Variants in OSBP observed in about 807,000 individuals in gnomAD.
OSBP encodes oxysterol binding protein.
Under a neutral mutation model 96.6 loss-of-function variants are expected in OSBP, and 32 were observed. The ratio of observed to expected loss-of-function variants is 0.33; its 90% confidence interval spans 0.25 to 0.45. OSBP has a LOEUF of 0.45. Ranked by LOEUF, OSBP falls within the 20% of genes least tolerant of loss-of-function variation. The probability of loss-of-function intolerance (pLI) is 1.00; values close to 1 mark genes in which losing one functional copy is unlikely to be tolerated. For missense variants in OSBP, 653 were observed against 1,029.7 expected (o/e 0.63, Z 5.01); for synonymous variants, 369 against 389.6 (o/e 0.95, Z 0.62).
At chr11:59,588,671 T>C (rs1036138358) in intron 9 of OSBP, among the ~76,000 whole-genome samples, 2 of 151,946 alleles carry the variant, frequency 1.3e-5, no homozygotes, top group Non-Finnish European at 2.9e-5. Flanking sequence ...CACTTAAGAA[T>C]GGGTAAGGTG....
chr11:59,578,117 G>A (rs759865856), intron 12 of OSBP, 32 bp downstream of exon 12: 8 of 1,602,320 alleles, frequency 5.0e-6, no homozygotes, highest in Middle Eastern at 1.7e-4. Flanking sequence ...AGGTCAAAGT[G>A]GTATCTGGGC....
chr11:59,606,653 A>G (rs1860784356), intron 3 of OSBP, among the ~76,000 whole-genome samples: 1 of 152,284 alleles, frequency 6.6e-6, no homozygotes, highest in South Asian at 2.1e-4. Context: ...TATGTAACAA[A>G]CCTGCACACG....
At chr11:59,615,051 T>A (rs2134713372) in intron 1 of OSBP, among the ~76,000 whole-genome samples, 1 of 152,212 alleles carries the variant, frequency 6.6e-6, no homozygotes, top group South Asian at 2.1e-4. Flanking sequence ...GACTAATGAC[T>A]GGAAAGGCCG....
intron 9 of OSBP, among the ~76,000 whole-genome samples, chr11:59,585,940 T>A (rs191712044): frequency 2.6e-5 from 4 of 152,052 alleles, no homozygotes; most frequent in Non-Finnish European, 4.4e-5. Context: ...GTGCAAGATG[T>A]GCTTTGTTAA....
In OSBP at chr11:59,603,311, C is replaced by T. The variant is rs138148891; in HGVS notation, c.823-1473G>A. 4.1e-4 allele frequency among the ~76,000 whole-genome samples: 62 copies of T among 152,230 alleles called. No individual in the cohort carries two copies. In the East Asian group the frequency reaches 0.011, roughly 27 times the overall value. On this transcript the variant is annotated intron_variant, in intron 3 of 13. Transcript: ENST00000263847. Reference sequence around the variant, plus strand: ...ATAAATAAAGGAAGGAGGCAAGCAACGTAAGCTTAAAAATCTATTCCCTGT... The same window carrying T: ...ATAAATAAAGGAAGGAGGCAAGCAATGTAAGCTTAAAAATCTATTCCCTGT...
At chr11:59,587,555 T>A (rs530959288) in intron 9 of OSBP, among the ~76,000 whole-genome samples, 8 of 150,262 alleles carry the variant, frequency 5.3e-5, no homozygotes, top group Non-Finnish European at 1.2e-4. Flanking sequence ...CCTCCAAAGA[T>A]ATACAAATGA....
chr11:59,587,398 A>G (rs765192321), intron 9 of OSBP, among the ~76,000 whole-genome samples: 2 of 151,978 alleles, frequency 1.3e-5, no homozygotes, highest in Non-Finnish European at 2.9e-5. Context: ...GCTATTCTGG[A>G]GGCTTAGGCA....
rs550225261 is a variant in OSBP, at chr11:59,608,676, G to A, written c.630C>T (p.Thr210=). 8.7e-6 allele frequency: 14 copies of A among 1,613,818 alleles called. No individual in the cohort carries two copies. The South Asian group carries it at 1.2e-4, about 14-fold the overall frequency. The change falls in exon 3 of 14, where the codon ACC becomes ACT. Residue 210 remains threonine (T), a synonymous_variant. Coordinates refer to ENST00000263847, the MANE Select transcript of OSBP (RefSeq NM_002556.3). ...CTACTTTGCTAGAGAGGGTCCGAAG[G>A]GTATTCTGCAGCTCAGTCTTGTCAG... is the stretch of plus-strand genomic sequence containing the variant. ...SQTDKTELQN[T]LRTLSSKVED... is the part of the protein sequence containing the mutation.
At chr11:59,588,961 C>T (rs968468783) in intron 9 of OSBP, among the ~76,000 whole-genome samples, 2 of 151,396 alleles carry the variant, frequency 1.3e-5, no homozygotes, top group African/African-American at 4.9e-5. Context: ...ACCAAGATCA[C>T]ACCACTGCAC....
intron 9 of OSBP, among the ~76,000 whole-genome samples, chr11:59,585,215 A>C (rs1387641115): frequency 2.0e-4 from 28 of 140,766 alleles, no homozygotes; most frequent in Non-Finnish European, 3.7e-4. Context: ...GGCCGCCATC[A>C]CATCTAGGAA....
rs184050146 is a variant in OSBP at position 59,581,660 on chromosome 11, T to G, written c.1679-106A>C. ...ATTTCCTTCTATTGATATTTATTACTTTTAGAAATAAAACAATAAATCAAA... is the reference window on the plus strand; with the variant it reads ...ATTTCCTTCTATTGATATTTATTACGTTTAGAAATAAAACAATAAATCAAA... On this transcript the variant is annotated intron_variant, in intron 9 of 13. Coordinates refer to ENST00000263847, the MANE Select transcript of OSBP (RefSeq NM_002556.3). 7.3e-4 allele frequency: 398 copies of G among 546,388 alleles called. 3 individuals carry two copies. The East Asian group carries it at 0.011, about 15-fold the overall frequency. 33.8% of individuals were successfully genotyped at this position (546,388 alleles called of 1,614,324 possible).
At position 59,576,626 on chromosome 11, in the gene OSBP, C is replaced by T; in HGVS notation, c.2375G>A (p.Trp792Ter). ...ELTHIYRGEY[W>*]ECKEKQDWSS... ...CCAGTCCTGTTTTTCTTTACACTCC[C>T]AGTATTCTCCCCTATAAATATGGGT... is the stretch of plus-strand genomic sequence containing the variant. Residue 792 changes from tryptophan (W) to a stop codon, truncating the protein, a stop_gained, in exon 14 of 14, where the codon TGG becomes TAG. Coordinates refer to ENST00000263847, the MANE Select transcript of OSBP (RefSeq NM_002556.3). LOFTEE classifies it high-confidence loss of function. 1 of 1,614,094 alleles carries T rather than the reference C, an allele frequency of 6.2e-7. No homozygotes were observed. Among genetic ancestry groups the T allele is most frequent in the Non-Finnish European group, 8.5e-7 (1 of 1,180,010 alleles).
rs201962555 is a variant in OSBP at position 59,615,400 on chromosome 11, A to C, written c.265T>G (p.Ser89Ala). The change falls in exon 1 of 14, where the codon TCG (serine) becomes GCG (alanine). Residue 89 changes from serine to alanine, a missense_variant. Transcript: ENST00000263847. ...SGGSGAGGSG[S>A]AREGWLFKWT... ...TTGAAGAGCCAGCCCTCTCGAGCCGAGCCCGAACCCCCAGCGCCCGAGCCG... is the reference window on the plus strand; with the variant it reads ...TTGAAGAGCCAGCCCTCTCGAGCCGCGCCCGAACCCCCAGCGCCCGAGCCG... 6.4e-6 allele frequency: 10 copies of C among 1,566,612 alleles called. No individual in the cohort carries two copies. The East Asian group carries it at 2.4e-4, about 38-fold the overall frequency.
chr11:59,603,681 C>G (rs1430014148), intron 3 of OSBP, among the ~76,000 whole-genome samples: 1 of 151,986 alleles, frequency 6.6e-6, no homozygotes, highest in African/African-American at 2.4e-5. Context: ...GGACTACAGG[C>G]ATGAGCCACA....
At chr11:59,608,227 T>C (rs1246659533) in intron 3 of OSBP, among the ~76,000 whole-genome samples, 1 of 152,166 alleles carries the variant, frequency 6.6e-6, no homozygotes, top group Non-Finnish European at 1.5e-5. Flanking sequence ...TGCAGAGCAG[T>C]CAGTGAAGGA....
chr11:59,613,459 C>T (rs373336556), intron 1 of OSBP, among the ~76,000 whole-genome samples: 30 of 152,220 alleles, frequency 2.0e-4, no homozygotes, highest in South Asian at 1.7e-3. Context: ...AAAGTGGATC[C>T]GGTAAGAACT....
chr11:59,615,425 G>T lies in OSBP; in HGVS notation c.240C>A (p.Gly80=), dbSNP rs1198743173. The T allele has an allele frequency of 6.6e-7, 1 of 1,507,046 alleles. No homozygotes were observed. Among genetic ancestry groups the T allele is most frequent in the South Asian group, 1.2e-5 (1 of 83,794 alleles). 93.4% of individuals were successfully genotyped at this position (1,507,046 alleles called of 1,614,324 possible). A position where few individuals can be genotyped will look rare whatever the true frequency, so the allele number is the denominator to read the frequency against. The change falls in exon 1 of 14, where the codon GGC becomes GGA. Residue 80 remains glycine (G), a synonymous_variant. Coordinates refer to ENST00000263847, the MANE Select transcript of OSBP (RefSeq NM_002556.3). ...PAPAPPTGGS[G]GSGAGGSGSA... ...AGCCCGAACCCCCAGCGCCCGAGCC[G>T]CCCGAGCCCCCAGTCGGCGGCGCAG...
rs1368702079 is a variant in OSBP at position 59,615,414 on chromosome 11, GCGCCCGAGC to G, written c.242_250del (p.Gly81_Gly83del). 22 of 1,536,218 alleles carry G rather than the reference GCGCCCGAGC, an allele frequency of 1.4e-5. No individual in the cohort carries two copies. Among genetic ancestry groups the G allele is most frequent in the African/African-American group, 2.8e-5 (2 of 71,072 alleles). On this transcript the variant is annotated inframe_deletion, in exon 1 of 14. Coordinates refer to ENST00000263847, the MANE Select transcript of OSBP (RefSeq NM_002556.3). ...CTCTCGAGCCGAGCCCGAACCCCCAGCGCCCGAGCCGCCCGAGCCCCCAGTCGGCGGCGC... is the reference window on the plus strand; with the variant it reads ...CTCTCGAGCCGAGCCCGAACCCCCAGCGCCCGAGCCCCCAGTCGGCGGCGC...
Position 59,593,638 on chromosome 11 carries a change from C to T in OSBP, c.1644G>A (p.Lys548=). The change falls in exon 9 of 14, where the codon AAG becomes AAA. Residue 548 remains lysine, a synonymous_variant. Transcript: ENST00000263847. The stretch of plus-strand genomic sequence containing the variant: ...TAATGGAGAGGTATTTGCCTCGAAA[C>T]TTGCTGGTGATTTTGATTTCCTGAC... ...TLRQEIKITS[K]FRGKYLSIMP... The T allele has an allele frequency of 6.2e-7, 1 of 1,614,112 alleles. No individual in the cohort carries two copies. Among genetic ancestry groups the T allele is most frequent in the Non-Finnish European group, 8.5e-7 (1 of 1,179,988 alleles).
Sources: allele counts gnomAD v4.1 joint callset (sites outside exome capture counted in the v4.1 genomes callset), GRCh38; gene constraint gnomAD v4.1.1; transcripts MANE v1.5; gene names NCBI Gene and HGNC (gene_info 2026-07-23, HGNC 2026-07-21).